The following NEB variants were observed in gnomAD, a reference collection of about 807,000 sequenced individuals.
The protein encoded by NEB is nemaline myopathy type 2.
In NEB, 512 loss-of-function variants were observed where a neutral mutation model predicts 952.2. That is an observed-to-expected ratio of 0.54 (90% CI 0.50 to 0.58). The LOEUF is 0.58. NEB is among the 20% of genes least tolerant of loss of function. NEB has a pLI of 0.00. For missense variants in NEB, 8,428 were observed against 9,231.1 expected (o/e 0.91, Z 3.56); for synonymous variants, 2,900 against 3,149.8 (o/e 0.92, Z 2.66).
At chr2:151,492,332 CCTTTTTACA>C in intron 177 of NEB, 46 bp downstream of exon 177, 1 of 1,590,986 alleles carries the variant, frequency 6.3e-7, no homozygotes, top group Non-Finnish European at 8.6e-7. Flanking sequence ...TGACTATATC[CCTTTTTACA>C]CATTCTGACA....
Position 151,655,824 on chromosome 2 carries a change from A to T in NEB, c.6695T>A (p.Met2232Lys), listed in dbSNP as rs1228502668. Residue 2232 changes from methionine to lysine, a missense_variant, in exon 50 of 182, where the codon ATG (methionine) becomes AAG (lysine). Physicochemically the swap from Met to Lys is moderately conservative, Grantham distance 95. Transcript: ENST00000397345. ...MVLAKQNAHT[M>K]NKHLYTIDWN... ...GGCCACTGTTCTCTGTACCTTGTTCATGGTATGTGCATTCTGCTTGGCAAG... is the reference window on the plus strand; with the variant it reads ...GGCCACTGTTCTCTGTACCTTGTTCTTGGTATGTGCATTCTGCTTGGCAAG... 8 of 1,613,560 alleles carry T rather than the reference A, an allele frequency of 5.0e-6. No homozygotes were observed. The highest frequency in any genetic ancestry group is 6.8e-6 in the Non-Finnish European group (8 of 1,179,690).
In NEB at chr2:151,675,379, C is replaced by T; in HGVS notation, c.3787G>A (p.Ala1263Thr). 1.3e-6 allele frequency: 2 copies of T among 1,571,816 alleles called. No individual in the cohort carries two copies. Among genetic ancestry groups the T allele is most frequent in the East Asian group, 2.3e-5 (1 of 43,732 alleles). ...TKQVSDILYKAKGEDVKHKYT... is the reference protein window; with the variant it reads ...TKQVSDILYKTKGEDVKHKYT... ...TTATGTTTCACATCTTCTCCTTTAG[C>T]CTTGTATAAGATCTGCAATAAAATG... The change falls in exon 35 of 182, where the codon GCT becomes ACT. Residue 1263 changes from alanine to threonine, a missense_variant. Transcript: ENST00000397345.
At chr2:151,676,781 T>G (rs866001760) in intron 34 of NEB, among the ~76,000 whole-genome samples, 3 of 152,246 alleles carry the variant, frequency 2.0e-5, no homozygotes, top group African/African-American at 7.2e-5. Flanking sequence ...TCTCTCTGGA[T>G]GACAATGCTC....
intron 46 of NEB, among the ~76,000 whole-genome samples, chr2:151,659,626 C>A (rs966295953): frequency 5.3e-5 from 8 of 152,114 alleles, no homozygotes; most frequent in African/African-American, 1.9e-4. Context: ...GGAAAAGTTG[C>A]TTATTCAAAC....
At chr2:151,508,149 C>T (rs1168295951) in intron 161 of NEB, 40 bp from the exon 162 acceptor site, 1 of 1,422,464 alleles carries the variant, frequency 7.0e-7, no homozygotes, top group African/African-American at 1.4e-5. Context: ...GTAAACACCA[C>T]AGGGATATAG....
At chr2:151,697,727 T>C in intron 13 of NEB, 79 bp from the exon 14 acceptor site, 1 of 906,310 alleles carries the variant, frequency 1.1e-6, no homozygotes. Flanking sequence ...TTTCTAACAC[T>C]AAACAAAAGA....
Position 151,610,576 on chromosome 2 carries a change from A to C in NEB, c.11958T>G (p.Asp3986Glu), listed in dbSNP as rs778501278. The change falls in exon 80 of 182, where the codon GAT (aspartate) becomes GAG (glutamate). Residue 3986 changes from aspartate to glutamate, a missense_variant. Asp to Glu is a conservative substitution (Grantham distance 45). Around this residue, in one of 11 missense-constraint regions of NEB, gnomAD observed 337 missense variants for 297.5 expected, o/e 1.13. Transcript: ENST00000397345. Reference sequence around the variant, plus strand: ...TGATGGAAATAGCATCTGCTCTCAGATCATAGTCCTTCATCTTTGATTCAT... The same window carrying C: ...TGATGGAAATAGCATCTGCTCTCAGCTCATAGTCCTTCATCTTTGATTCAT... Reference protein sequence around the residue: ...GWDESKMKDYDLRADAISIKS... With the variant: ...GWDESKMKDYELRADAISIKS... The C allele has an allele frequency of 3.7e-6, 6 of 1,613,890 alleles. No homozygotes were observed. The highest frequency in any genetic ancestry group is 4.2e-6 in the Non-Finnish European group (5 of 1,179,744).
At chr2:151,487,846 G>A (rs898001946) in intron 181 of NEB, among the ~76,000 whole-genome samples, 13 of 152,044 alleles carry the variant, frequency 8.6e-5, no homozygotes, top group African/African-American at 3.1e-4. Context: ...TAAACTCCTG[G>A]ACTCAAGCAG....
At chr2:151,505,642 GT>G in intron 164 of NEB, 72 bp from the exon 165 acceptor site, 1 of 1,257,294 alleles carries the variant, frequency 8.0e-7, no homozygotes, top group Non-Finnish European at 1.2e-6. Flanking sequence ...ACATGTACAT[GT>G]TTTTTGTAGC....
intron 166 of NEB, 107 bp downstream of exon 166, chr2:151,503,238 CACAG>C (rs1472494538): frequency 1.3e-6 from 1 of 790,964 alleles, no homozygotes; most frequent in Non-Finnish European, 2.1e-6. Context: ...ACACAACACA[CACAG>C]ACACACACAG....
chr2:151,645,294 G>T (rs1014102641), intron 55 of NEB, among the ~76,000 whole-genome samples: 1 of 152,172 alleles, frequency 6.6e-6, no homozygotes, highest in African/African-American at 2.4e-5. Flanking sequence ...CATGCCTAAG[G>T]GGTTATCTCT....
rs372239158 is a variant in NEB, at chr2:151,629,557, G to A, written c.9813C>T (p.Ser3271=). The change falls in exon 68 of 182, where the codon TCC becomes TCT. Residue 3271 remains serine, a synonymous_variant. Coordinates refer to ENST00000397345, the MANE Select transcript of NEB (RefSeq NM_001164508.2). ...TACTCACATCACTGATAACGTCCCTGGAGGCCTTGGCAGCCACGATGGGGA... is the reference window on the plus strand; with the variant it reads ...TACTCACATCACTGATAACGTCCCTAGAGGCCTTGGCAGCCACGATGGGGA... ...DAIPIVAAKA[S]RDVISDYKYK... 2.6e-5 allele frequency: 42 copies of A among 1,613,376 alleles called. No homozygotes were observed. Among genetic ancestry groups the A allele is most frequent in the Non-Finnish European group, 3.3e-5 (39 of 1,179,518 alleles).
intron 40 of NEB, among the ~76,000 whole-genome samples, chr2:151,667,536 AT>A (rs541077365): frequency 2.6e-5 from 4 of 151,346 alleles, no homozygotes; most frequent in African/African-American, 7.3e-5. Context: ...TCACATATAG[AT>A]TTTTTTTTCT....
chr2:151,696,141 C>A (rs2099594641), intron 17 of NEB, among the ~76,000 whole-genome samples: 1 of 152,140 alleles, frequency 6.6e-6, no homozygotes, highest in Admixed American at 6.6e-5. Flanking sequence ...CTTTGGAAAT[C>A]CACACTTAAA....
Position 151,485,776 on chromosome 2 carries a change from T to C in NEB, c.25562A>G (p.Tyr8521Cys), listed in dbSNP as rs2049772724. Residue 8521 changes from tyrosine (Y) to cysteine (C), a missense_variant, in exon 182 of 182, where the codon TAC becomes TGC. By Grantham distance (194) the Tyr-to-Cys change is radical. Coordinates refer to ENST00000397345, the MANE Select transcript of NEB (RefSeq NM_001164508.2). ...TTGAAATGCCTAAATAGCTTCAACGTAGTTGGCTGGGAGCATTCCGGTCCT... is the reference window on the plus strand; with the variant it reads ...TTGAAATGCCTAAATAGCTTCAACGCAGTTGGCTGGGAGCATTCCGGTCCT... ...TGRTGMLPAN[Y>C]VEAI is the part of the protein sequence containing the mutation. 3 of 1,611,230 alleles carry C rather than the reference T, an allele frequency of 1.9e-6. No individual in the cohort carries two copies. Among genetic ancestry groups the C allele is most frequent in the Non-Finnish European group, 2.5e-6 (3 of 1,177,780 alleles).
rs1232659762 is a variant in NEB, at chr2:151,694,746, T to A, written c.1675-117A>T. On this transcript the variant is annotated intron_variant, in intron 18 of 181. Transcript: ENST00000397345. ...ATATAAAATAAATGGGCCCTTTTTA[T>A]TGTCTAGGAAATCATGCATATTTTA... 3.9e-6 allele frequency: 3 copies of A among 774,034 alleles called. No individual in the cohort carries two copies. In the African/African-American group the frequency reaches 5.2e-5, roughly 14 times the overall value. The allele number at this position is 774,034 out of a possible 1,614,324, so 47.9% of individuals were successfully genotyped here.
In NEB at chr2:151,616,102, T is replaced by C. The variant is rs1281590017; in HGVS notation, c.11189A>G (p.Tyr3730Cys). 2 of 1,609,372 alleles carry C rather than the reference T, an allele frequency of 1.2e-6. No individual in the cohort carries two copies. Among genetic ancestry groups the C allele is most frequent in the South Asian group, 1.1e-5 (1 of 90,340 alleles). The change falls in exon 76 of 182, where the codon TAT becomes TGT. Residue 3730 changes from tyrosine (Y) to cysteine (C), a missense_variant. Around this residue, in one of 11 missense-constraint regions of NEB, gnomAD observed 1,772 missense variants for 1,960.3 expected, o/e 0.90. Coordinates refer to ENST00000397345, the MANE Select transcript of NEB (RefSeq NM_001164508.2). ...CTTGGACTCTTCCAAAGCAAGTTTA[T>C]AGAGTTTCTGTAGAAAAGAAAGTCA... The part of the protein sequence containing the change: ...LNRINYSDKL[Y>C]KLALEESKKE...
At chr2:151,733,019 T>C in intron 3 of NEB, 102 bp downstream of exon 3, 1 of 1,015,944 alleles carries the variant, frequency 9.8e-7, no homozygotes, top group South Asian at 1.6e-5. Context: ...TTTGTGAAGT[T>C]ATAATAGACA....
At chr2:151,612,419 A>C in intron 77 of NEB, 30 bp from the exon 78 acceptor site, 1 of 1,588,092 alleles carries the variant, frequency 6.3e-7, no homozygotes, top group South Asian at 1.1e-5. Context: ...AAATATTTAT[A>C]GATGTCACCT....
Sources: gnomAD v4.1 joint callset for allele counts (sites outside exome capture counted in the v4.1 genomes callset) on GRCh38, gnomAD v4.1.1 for gene constraint, gnomAD v4.1.1 regional missense constraint, MANE v1.5 for transcripts, NCBI Gene and HGNC (gene_info 2026-07-23, HGNC 2026-07-21) for gene names.